TNFSF4: variants seen among roughly 807,000 people sequenced by gnomAD.
TNFSF4 encodes tumor necrosis factor ligand superfamily member 4.
A neutral mutation model predicts 7.3 loss-of-function variants in TNFSF4; 4 were observed. The observed-to-expected ratio is 0.55, with a 90% CI of 0.27 to 1.25. TNFSF4 has a LOEUF of 1.25. Among genes scored for constraint, TNFSF4 ranks in the 50% most tolerant of loss-of-function variants. The probability of loss-of-function intolerance (pLI) is 0.12; values close to 1 mark genes in which losing one functional copy is unlikely to be tolerated. For missense variants in TNFSF4, 181 were observed against 208.8 expected (o/e 0.87, Z 0.82); for synonymous variants, 76 against 83.7 (o/e 0.91, Z 0.50).
chr1:173,314,592 G>C, the TNFSF4 span, among the ~76,000 whole-genome samples: 21 of 152,108 alleles, frequency 1.4e-4, no homozygotes, highest in Non-Finnish European at 2.4e-4. Context: ...AGCTCCTTAA[G>C]AGCAATTACT....
chr1:173,221,199 T>C, the TNFSF4 span, among the ~76,000 whole-genome samples: 3 of 152,178 alleles, frequency 2.0e-5, no homozygotes, highest in Non-Finnish European at 2.9e-5. Context: ...TAATAGGCCA[T>C]AGCATTAACA....
chr1:173,410,836 T>C, the TNFSF4 span, among the ~76,000 whole-genome samples: 5 of 152,206 alleles, frequency 3.3e-5, no homozygotes, highest in African/African-American at 9.7e-5. Context: ...TGAAGCTCTG[T>C]GTACAGCTTT....
the TNFSF4 span, among the ~76,000 whole-genome samples, chr1:173,415,489 G>A: frequency 2.0e-5 from 3 of 152,186 alleles, no homozygotes; most frequent in East Asian, 3.9e-4. Flanking sequence ...AGACTCAATC[G>A]GAACCACCCT....
At chr1:173,220,494 A>G in the TNFSF4 span, among the ~76,000 whole-genome samples, 1 of 152,192 alleles carries the variant, frequency 6.6e-6, no homozygotes, top group African/African-American at 2.4e-5. Context: ...GCACAGAAAA[A>G]TGAATAATCT....
chr1:173,304,893 G>A, the TNFSF4 span, among the ~76,000 whole-genome samples: 1 of 151,942 alleles, frequency 6.6e-6, no homozygotes, highest in Non-Finnish European at 1.5e-5. Context: ...ACAGTCAAGG[G>A]GAGAGGAATT....
At chr1:173,240,853 C>T in the TNFSF4 span, among the ~76,000 whole-genome samples, 1 of 152,186 alleles carries the variant, frequency 6.6e-6, no homozygotes, top group Non-Finnish European at 1.5e-5. Flanking sequence ...ATCTGACTTT[C>T]TCATGTTTGC....
the TNFSF4 span, among the ~76,000 whole-genome samples, chr1:173,249,129 G>A: frequency 6.6e-6 from 1 of 152,170 alleles, no homozygotes; most frequent in Non-Finnish European, 1.5e-5. Flanking sequence ...ATAGGGAGAA[G>A]ACCAGAGTTA....
the TNFSF4 span, among the ~76,000 whole-genome samples, chr1:173,413,597 A>G: frequency 0.63 from 95,839 of 152,020 alleles, 31,870 homozygotes; most frequent in Middle Eastern, 0.75. Flanking sequence ...GCAGTGTCAC[A>G]GCAGGCCAGT....
Position 173,185,454 on chromosome 1 carries a change from G to A in TNFSF4, c.*1062C>T, listed in dbSNP as rs891342871. On this transcript the variant is annotated 3_prime_UTR_variant, in exon 3 of 3. Coordinates refer to ENST00000281834, the MANE Select transcript of TNFSF4 (RefSeq NM_003326.5). ...ATGGTCTATGGTATTTCTAGACAGA[G>A]ATCATTATTTTTCATAAGGCACAAT... The A allele has an allele frequency of 6.6e-6, 1 of 152,134 alleles. No individual in the cohort carries two copies. Among genetic ancestry groups the A allele is most frequent in the East Asian group, 1.9e-4 (1 of 5,198 alleles). The allele number at this position is 152,134 out of a possible 1,614,324, so 9.4% of individuals were successfully genotyped here.
chr1:173,281,282 T>C, the TNFSF4 span, among the ~76,000 whole-genome samples: 2 of 152,144 alleles, frequency 1.3e-5, no homozygotes, highest in African/African-American at 4.8e-5. Context: ...AATTCAGATG[T>C]AGAGGATTAT....
intron 1 of TNFSF4, among the ~76,000 whole-genome samples, chr1:173,190,480 T>G (rs1342731687): frequency 6.6e-6 from 1 of 152,090 alleles, no homozygotes; most frequent in African/African-American, 2.4e-5. Flanking sequence ...GAATGGAGAG[T>G]CATTCTGAGC....
chr1:173,269,689 A>C, the TNFSF4 span, among the ~76,000 whole-genome samples: 85 of 152,260 alleles, frequency 5.6e-4, no homozygotes, highest in South Asian at 0.018. Context: ...ATATTTCATC[A>C]TGCTACTCAG....
At chr1:173,410,255 T>A in the TNFSF4 span, among the ~76,000 whole-genome samples, 77 of 152,202 alleles carry the variant, frequency 5.1e-4, no homozygotes, top group Middle Eastern at 6.8e-3. Context: ...CAGGCCTTGA[T>A]CTTAAGAAGT....
chr1:173,412,205 T>C, the TNFSF4 span, among the ~76,000 whole-genome samples: 1 of 152,076 alleles, frequency 6.6e-6, no homozygotes, highest in Non-Finnish European at 1.5e-5. Flanking sequence ...GCCTCTGATT[T>C]CAGCCACAAC....
intron 1 of TNFSF4, chr1:173,205,350 C>T: frequency 6.2e-7 from 1 of 1,611,990 alleles, no homozygotes; most frequent in Non-Finnish European, 8.5e-7. Flanking sequence ...CCCTGCTTTT[C>T]TTCCCACAGC....
the TNFSF4 span, among the ~76,000 whole-genome samples, chr1:173,307,329 A>C: frequency 1.3e-5 from 2 of 151,902 alleles, no homozygotes; most frequent in Non-Finnish European, 2.9e-5. Flanking sequence ...ATCTAAATCT[A>C]ATCATGAAGA....
the TNFSF4 span, among the ~76,000 whole-genome samples, chr1:173,321,482 T>A: frequency 9.3e-4 from 141 of 152,086 alleles, no homozygotes; most frequent in African/African-American, 2.7e-3. Context: ...ACAAATGGGA[T>A]CTAATTAAAC....
the TNFSF4 span, among the ~76,000 whole-genome samples, chr1:173,364,776 A>G: frequency 1.3e-5 from 2 of 152,132 alleles, no homozygotes; most frequent in Admixed American, 1.3e-4. Context: ...CTATTATACC[A>G]CTAACTGTTC....
At chr1:173,335,652 G>A in the TNFSF4 span, among the ~76,000 whole-genome samples, 1 of 152,146 alleles carries the variant, frequency 6.6e-6, no homozygotes, top group Non-Finnish European at 1.5e-5. Flanking sequence ...TAGGTCAAGT[G>A]AACAAAAGTC....
Sources: gnomAD v4.1 joint callset for allele counts (sites outside exome capture counted in the v4.1 genomes callset) on GRCh38, gnomAD v4.1.1 for gene constraint, MANE v1.5 for transcripts, NCBI Gene and HGNC (gene_info 2026-07-23, HGNC 2026-07-21) for gene names.